HEATR9: variants seen among roughly 807,000 people sequenced by gnomAD.
HEATR9 encodes the protein HEAT repeat containing 9, also known as protein HEATR9.
In HEATR9, 54 loss-of-function variants were observed where a neutral mutation model predicts 68.2. That is an observed-to-expected ratio of 0.79 (90% CI 0.64 to 0.99). The LOEUF is 0.99. HEATR9 is among the 50% of genes least tolerant of loss of function. The probability of loss-of-function intolerance (pLI) is 0.00; values close to 1 mark genes in which losing one functional copy is unlikely to be tolerated. For synonymous variants in HEATR9, 241 were observed against 253.5 expected (o/e 0.95, Z 0.47); for missense variants, 662 against 679.7 (o/e 0.97, Z 0.29).
chr17:35,867,625 A>G (rs1024647420), intron 1 of HEATR9, among the ~76,000 whole-genome samples: 2 of 152,098 alleles, frequency 1.3e-5, no homozygotes, highest in African/African-American at 4.8e-5. Context: ...TCTGGGCAAC[A>G]AAGTGAGACT....
At chr17:35,862,278 T>C (rs2088022416) in intron 8 of HEATR9, among the ~76,000 whole-genome samples, 1 of 152,196 alleles carries the variant, frequency 6.6e-6, no homozygotes, top group Non-Finnish European at 1.5e-5. Flanking sequence ...CACTGCTATA[T>C]CCCAAGGGCC....
rs1456033570 is a variant in HEATR9, at chr17:35,855,409, A to G, written c.1367T>C (p.Leu456Pro). The G allele has an allele frequency of 1.2e-6, 2 of 1,611,006 alleles. No individual in the cohort carries two copies. The highest frequency in any genetic ancestry group is 1.7e-6 in the Non-Finnish European group (2 of 1,177,926). Residue 456 changes from leucine to proline, a missense_variant and splice_region_variant, in exon 15 of 15, where the codon CTA becomes CCA. Coordinates refer to ENST00000604834, the MANE Select transcript of HEATR9 (RefSeq NM_152781.4). The part of the protein sequence containing the change: ...AENHQAVKKS[L>P]QETLILCASI... ...GGCACAAAGGATTAATGTTTCTTGT[A>G]GCTGCATTGAAACAAAGGTCCTAGT...
At chr17:35,860,324 G>C in intron 8 of HEATR9, among the ~76,000 whole-genome samples, 1 of 147,148 alleles carries the variant, frequency 6.8e-6, no homozygotes, top group Non-Finnish European at 1.5e-5. Flanking sequence ...CCTGGGAGGT[G>C]GAGCTTGCAG....
At chr17:35,855,471 A>AG in intron 14 of HEATR9, 61 bp from the exon 15 acceptor site, 1 of 1,494,670 alleles carries the variant, frequency 6.7e-7, no homozygotes, top group Non-Finnish European at 9.2e-7. Flanking sequence ...GAGGCTCCAG[A>AG]GAGGGGGCAC....
intron 4 of HEATR9, 94 bp downstream of exon 4, chr17:35,864,664 A>G: frequency 3.1e-6 from 5 of 1,589,542 alleles, no homozygotes; most frequent in Non-Finnish European, 4.3e-6. Flanking sequence ...TCTGTTTTTC[A>G]GGCAAGGACT....
chr17:35,855,642 T>G (rs1216783761), intron 14 of HEATR9, 22 bp downstream of exon 14: 1 of 1,604,890 alleles, frequency 6.2e-7, no homozygotes, highest in African/African-American at 1.3e-5. Flanking sequence ...GAGGAAGAAG[T>G]GGGCAGGAAC....
chr17:35,857,742 G>C (rs1229999577), intron 11 of HEATR9, among the ~76,000 whole-genome samples: 1 of 151,846 alleles, frequency 6.6e-6, no homozygotes, highest in Non-Finnish European at 1.5e-5. Flanking sequence ...CTGGGCAACA[G>C]AGCAAGACTC....
chr17:35,860,448 ATTTT>A lies in HEATR9; in HGVS notation c.757-1382_757-1379del, dbSNP rs2087941999. On this transcript the variant is annotated intron_variant, in intron 8 of 14. Transcript: ENST00000604834. ...TTTTCACACTCTCTTCAAAGTCCTTATTTTTATTTATTTATTTATTTATTTATTT... is the reference window on the plus strand; with the variant it reads ...TTTTCACACTCTCTTCAAAGTCCTTATATTTATTTATTTATTTATTTATTT... 3.0e-5 allele frequency among the ~76,000 whole-genome samples: 4 copies of A among 134,358 alleles called. No homozygotes were observed. In the East Asian group the frequency reaches 6.6e-4, roughly 22 times the overall value. The allele number at this position is 134,358 out of a possible 152,430, so 88.1% of individuals were successfully genotyped here. A position where few individuals can be genotyped will look rare whatever the true frequency, so the allele number is the denominator to read the frequency against.
In HEATR9 at chr17:35,864,243, C is replaced by G; in HGVS notation, c.567+3G>C. The G allele has an allele frequency of 6.2e-7, 1 of 1,609,160 alleles. No homozygotes were observed. The stretch of plus-strand genomic sequence containing the variant: ...CCTGAACTCCAGCAGTTCTCAGACT[C>G]ACCACCTGCTGTAGTGCCTCCATGA... On this transcript the variant is annotated splice_donor_region_variant and intron_variant, in intron 6 of 14. Coordinates refer to ENST00000604834, the MANE Select transcript of HEATR9 (RefSeq NM_152781.4).
intron 3 of HEATR9, 103 bp from the exon 4 acceptor site, chr17:35,864,993 G>T: frequency 6.7e-7 from 1 of 1,485,146 alleles, no homozygotes; most frequent in South Asian, 1.2e-5. Context: ...TCAGATATGG[G>T]ACCAGAGGAA....
intron 12 of HEATR9, 41 bp from the exon 13 acceptor site, chr17:35,856,265 A>G (rs2087768152): frequency 6.2e-7 from 1 of 1,613,940 alleles, no homozygotes; most frequent in Non-Finnish European, 8.5e-7. Flanking sequence ...TGAATTAAGG[A>G]GTAGGGGAAG....
chr17:35,863,416 G>T, intron 7 of HEATR9, 86 bp downstream of exon 7: 1 of 1,371,142 alleles, frequency 7.3e-7, no homozygotes, highest in South Asian at 1.2e-5. Context: ...TGGAGCAAGT[G>T]TATGCTCCTC....
chr17:35,856,427 A>T, intron 12 of HEATR9: 1 of 1,379,568 alleles, frequency 7.2e-7, no homozygotes, highest in Non-Finnish European at 1.0e-6. Flanking sequence ...CTGAATGATG[A>T]TCAGGACTGT....
Position 35,868,642 on chromosome 17 carries a change from A to T in HEATR9, c.88+13T>A. The T allele has an allele frequency of 6.2e-7, 1 of 1,614,078 alleles. No homozygotes were observed. Among genetic ancestry groups the T allele is most frequent in the Non-Finnish European group, 8.5e-7 (1 of 1,179,998 alleles). The stretch of plus-strand genomic sequence containing the variant: ...CCTGCTCTTGGCTCCATTTCTGTCC[A>T]TCCCAGCCTCACCTTTGGTCTTGTC... On this transcript the variant is annotated intron_variant, in intron 1 of 14. Coordinates refer to ENST00000604834, the MANE Select transcript of HEATR9 (RefSeq NM_152781.4).
chr17:35,864,889 A>G lies in HEATR9; in HGVS notation c.322T>C (p.Tyr108His). The G allele has an allele frequency of 6.2e-7, 1 of 1,614,164 alleles. No homozygotes were observed. The highest frequency in any genetic ancestry group is 8.5e-7 in the Non-Finnish European group (1 of 1,180,036). The change falls in exon 4 of 15, where the codon TAC (tyrosine) becomes CAC (histidine). Residue 108 changes from tyrosine (Y) to histidine (H), a missense_variant and splice_region_variant. Physicochemically the swap from Tyr to His is moderately conservative, Grantham distance 83. Coordinates refer to ENST00000604834, the MANE Select transcript of HEATR9 (RefSeq NM_152781.4). Reference sequence around the variant, plus strand: ...TGGGTTTGATGTACCTCTTTGATGTACCTGTGTGAGAAATTGCATAGGCAG... The same window carrying G: ...TGGGTTTGATGTACCTCTTTGATGTGCCTGTGTGAGAAATTGCATAGGCAG... ...MLRKMRDDCRYIKEVHQTHIK... is the reference protein window; with the variant it reads ...MLRKMRDDCRHIKEVHQTHIK...
intron 8 of HEATR9, 154 bp downstream of exon 8, chr17:35,862,841 G>T: frequency 9.6e-7 from 1 of 1,046,332 alleles, no homozygotes; most frequent in Non-Finnish European, 1.4e-6. Context: ...CAAGCCATAT[G>T]CTTCTATTCA....
chr17:35,866,678 C>T (rs180973238), intron 2 of HEATR9, 46 bp downstream of exon 2: 10 of 1,576,590 alleles, frequency 6.3e-6, no homozygotes, highest in Middle Eastern at 3.3e-4. Flanking sequence ...GCTGCCCCTC[C>T]TAACTTTGAT....
chr17:35,856,193 G>T lies in HEATR9; in HGVS notation c.1258C>A (p.Gln420Lys). The T allele has an allele frequency of 6.2e-7, 1 of 1,614,140 alleles. No individual in the cohort carries two copies. The highest frequency in any genetic ancestry group is 8.5e-7 in the Non-Finnish European group (1 of 1,180,014). The change falls in exon 13 of 15, where the codon CAG (glutamine) becomes AAG (lysine). Residue 420 changes from glutamine to lysine, a missense_variant. Coordinates refer to ENST00000604834, the MANE Select transcript of HEATR9 (RefSeq NM_152781.4). ...QLMNPDATAR[Q>K]EAVISLGVLG... ...CTTACCAAAGAGATGACTGCTTCCT[G>T]GCGTGCAGTGGCATCTGGGTTCATC...
chr17:35,856,873 A>C, intron 11 of HEATR9, 68 bp from the exon 12 acceptor site: 1 of 1,350,688 alleles, frequency 7.4e-7, no homozygotes, highest in Non-Finnish European at 1.0e-6. Flanking sequence ...GAGCCTCTCA[A>C]ATCTTTACTG....
Sources: gnomAD v4.1 joint callset for allele counts (sites outside exome capture counted in the v4.1 genomes callset) on GRCh38, gnomAD v4.1.1 for gene constraint, MANE v1.5 for transcripts, NCBI Gene and HGNC (gene_info 2026-07-23, HGNC 2026-07-21) for gene names.